The following DYNC1LI1 variants were observed in gnomAD, a reference collection of about 807,000 sequenced individuals.
DYNC1LI1 encodes the protein cytoplasmic dynein 1 light intermediate chain 1.
Under a neutral mutation model 63.8 loss-of-function variants are expected in DYNC1LI1, and 19 were observed. The observed-to-expected ratio is 0.30, with a 90% CI of 0.21 to 0.44. The LOEUF (loss-of-function observed/expected upper bound fraction) is 0.44. DYNC1LI1 is among the 20% of genes least tolerant of loss of function. The pLI is 1.00. For synonymous variants in DYNC1LI1, 225 were observed against 232.3 expected (o/e 0.97, Z 0.28); for missense variants, 565 against 630.2 (o/e 0.90, Z 1.11).
chr3:32,567,676 C>G lies in DYNC1LI1; in HGVS notation c.220+2670G>C, dbSNP rs552900022. Reference sequence around the variant, plus strand: ...ACCTTAGCCTCCTGAGTAGCTGAGACTACAGGCATGCACCATCATACCCGG... The same window carrying G: ...ACCTTAGCCTCCTGAGTAGCTGAGAGTACAGGCATGCACCATCATACCCGG... On this transcript the variant is annotated intron_variant, in intron 2 of 12. Transcript: ENST00000273130. Among the ~76,000 whole-genome samples, 21 of 150,054 alleles carry G rather than the reference C, an allele frequency of 1.4e-4. No individual in the cohort carries two copies. In the South Asian group the frequency reaches 4.0e-3, roughly 29 times the overall value.
intron 3 of DYNC1LI1, 116 bp from the exon 4 acceptor site, chr3:32,545,222 G>A: frequency 1.4e-6 from 1 of 706,922 alleles, no homozygotes. Context: ...TATTGGCTTT[G>A]ACAAAGTTCA....
chr3:32,546,198 A>G lies in DYNC1LI1; in HGVS notation c.221-233T>C, dbSNP rs575796835. Among the ~76,000 whole-genome samples, 9 of 152,290 alleles carry G rather than the reference A, an allele frequency of 5.9e-5. No homozygotes were observed. The South Asian group carries it at 1.5e-3, about 25-fold the overall frequency. On this transcript the variant is annotated intron_variant, in intron 2 of 12. Transcript: ENST00000273130. ...CGAGGCAGGCAGATCACTTGAGGTC[A>G]GGAGTTTGAGACCAGCCTGGCCAAC...
At position 32,526,818 on chromosome 3, in the gene DYNC1LI1, G is replaced by A. The variant is rs549311179; in HGVS notation, c.1553C>T (p.Thr518Met). The A allele has an allele frequency of 3.5e-5, 56 of 1,612,166 alleles. No homozygotes were observed. The Middle Eastern group carries it at 6.6e-4, about 19-fold the overall frequency. Reference protein sequence around the residue: ...TVSPTTPTSPTEGEAS With the variant: ...TVSPTTPTSPMEGEAS ...GTATCTTCAAGAAGCTTCTCCTTCC[G>A]TAGGAGATGTAGGTGTTGTGGGAGA... is the stretch of plus-strand genomic sequence containing the variant. The change falls in exon 13 of 13, where the codon ACG (threonine) becomes ATG (methionine). Residue 518 changes from threonine (T) to methionine (M), a missense_variant. Thr to Met is a moderately conservative substitution (Grantham distance 81). Transcript: ENST00000273130.
At chr3:32,543,986 G>T (rs369274248) in intron 4 of DYNC1LI1, among the ~76,000 whole-genome samples, 1 of 151,334 alleles carries the variant, frequency 6.6e-6, no homozygotes, top group Non-Finnish European at 1.5e-5. Context: ...TTGAGCTGGT[G>T]GGGGGGCGGG....
chr3:32,542,216 C>G lies in DYNC1LI1; in HGVS notation c.569-1010G>C, dbSNP rs150563132. On this transcript the variant is annotated intron_variant, in intron 4 of 12. Coordinates refer to ENST00000273130, the MANE Select transcript of DYNC1LI1 (RefSeq NM_016141.4). Reference sequence around the variant, plus strand: ...CTACAGCCCTGACCCAAGTGATTTTCTGGCTCAACCTCCCGAGTGAGTAGC... The same window carrying G: ...CTACAGCCCTGACCCAAGTGATTTTGTGGCTCAACCTCCCGAGTGAGTAGC... 7.6e-3 allele frequency among the ~76,000 whole-genome samples: 1,152 copies of G among 152,190 alleles called. 21 individuals are homozygous for G. Among genetic ancestry groups the G allele is most frequent in the African/African-American group, 0.027 (1,102 of 41,528 alleles).
At chr3:32,554,314 A>C (rs1394962524) in intron 2 of DYNC1LI1, among the ~76,000 whole-genome samples, 3 of 152,228 alleles carry the variant, frequency 2.0e-5, no homozygotes, top group African/African-American at 4.8e-5. Context: ...GTTTTAAGTA[A>C]ACTTTACAAC....
chr3:32,570,300 G>T, intron 2 of DYNC1LI1, 46 bp downstream of exon 2: 2 of 1,496,056 alleles, frequency 1.3e-6, no homozygotes, highest in East Asian at 2.4e-5. Context: ...AGGTACCCCG[G>T]GCCGCTGGGG....
chr3:32,532,894 T>C (rs1697721048), intron 8 of DYNC1LI1, 92 bp downstream of exon 8: 23 of 1,408,540 alleles, frequency 1.6e-5, no homozygotes, highest in Non-Finnish European at 2.0e-5. Context: ...GAAAAGGACA[T>C]TTTTGCCTTT....
At chr3:32,553,614 G>A (rs997243910) in intron 2 of DYNC1LI1, among the ~76,000 whole-genome samples, 9 of 152,156 alleles carry the variant, frequency 5.9e-5, no homozygotes, top group Admixed American at 5.9e-4. Flanking sequence ...TTAGTCAAAT[G>A]GAGCCACTAG....
At chr3:32,527,069 T>C (rs1697628705) in intron 12 of DYNC1LI1, among the ~76,000 whole-genome samples, 161 bp from the exon 13 acceptor site, 1 of 152,224 alleles carries the variant, frequency 6.6e-6, no homozygotes, top group African/African-American at 2.4e-5. Context: ...AAGCTGGGTG[T>C]GGTGGCTCAC....
chr3:32,536,745 A>G (rs2303859), intron 6 of DYNC1LI1, among the ~76,000 whole-genome samples: 2,972 of 152,308 alleles, frequency 0.02, 42 homozygotes, highest in South Asian at 0.041. Flanking sequence ...ACAGCTTACT[A>G]GACTTTTCCA....
At chr3:32,541,287 T>C in intron 4 of DYNC1LI1, 81 bp from the exon 5 acceptor site, 1 of 904,180 alleles carries the variant, frequency 1.1e-6, no homozygotes. Flanking sequence ...AAGATAAAAT[T>C]TACTCGAATT....
Position 32,526,842 on chromosome 3 carries a change from G to T in DYNC1LI1, c.1529C>A (p.Ser510Tyr). 1 of 1,613,986 alleles carries T rather than the reference G, an allele frequency of 6.2e-7. No individual in the cohort carries two copies. The highest frequency in any genetic ancestry group is 8.5e-7 in the Non-Finnish European group (1 of 1,179,902). Residue 510 changes from serine to tyrosine, a missense_variant, in exon 13 of 13, where the codon TCT becomes TAT. Transcript: ENST00000273130. ...DRITRKPVTV[S>Y]PTTPTSPTEG... ...CGTAGGAGATGTAGGTGTTGTGGGA[G>T]AAACTGTAACTGGTTTTCGTGTAAT... is the stretch of plus-strand genomic sequence containing the variant.
In DYNC1LI1 at chr3:32,526,874, T is replaced by G; in HGVS notation, c.1497A>C (p.Leu499=). 6.2e-7 allele frequency: 1 copy of G among 1,614,046 alleles called. No individual in the cohort carries two copies. Among genetic ancestry groups the G allele is most frequent in the Non-Finnish European group, 8.5e-7 (1 of 1,179,916 alleles). ...TAACTGGTTTTCGTGTAATTCTGTC[T>G]AGTTCTGCATGAACATCTAAGACAG... ...QKPVLDVHAE[L]DRITRKPVTV... Residue 499 remains leucine (L), a synonymous_variant, in exon 13 of 13, where the codon CTA becomes CTC. Coordinates refer to ENST00000273130, the MANE Select transcript of DYNC1LI1 (RefSeq NM_016141.4).
intron 2 of DYNC1LI1, among the ~76,000 whole-genome samples, chr3:32,553,256 G>A (rs887408436): frequency 6.6e-6 from 1 of 152,062 alleles, no homozygotes; most frequent in Non-Finnish European, 1.5e-5. Flanking sequence ...GACAGCTCAG[G>A]CATGGGAGAA....
At chr3:32,567,074 A>G (rs956146088) in intron 2 of DYNC1LI1, among the ~76,000 whole-genome samples, 30 of 152,326 alleles carry the variant, frequency 2.0e-4, no homozygotes, top group African/African-American at 7.0e-4. Context: ...TTCCTTTAAA[A>G]TAATTACCAG....
At chr3:32,554,368 G>GT (rs1390505961) in intron 2 of DYNC1LI1, among the ~76,000 whole-genome samples, 1 of 152,210 alleles carries the variant, frequency 6.6e-6, no homozygotes, top group African/African-American at 2.4e-5. Flanking sequence ...AATAAATGTA[G>GT]TATGTTAAAC....
intron 3 of DYNC1LI1, chr3:32,545,318 T>C: frequency 1.7e-6 from 1 of 576,388 alleles, no homozygotes; most frequent in Non-Finnish European, 3.1e-6. Flanking sequence ...CATCTGCTAA[T>C]TTATCTAAAG....
chr3:32,559,118 G>T (rs1698155591), intron 2 of DYNC1LI1, among the ~76,000 whole-genome samples: 1 of 150,946 alleles, frequency 6.6e-6, no homozygotes, highest in South Asian at 2.1e-4. Context: ...GAACTTCTGG[G>T]CTCCAGCAAT....
Sources: gnomAD v4.1 joint callset for allele counts (sites outside exome capture counted in the v4.1 genomes callset) on GRCh38, gnomAD v4.1.1 for gene constraint, MANE v1.5 for transcripts, NCBI Gene and HGNC (gene_info 2026-07-23, HGNC 2026-07-21) for gene names.